RIMS2: variants seen among roughly 807,000 people sequenced by gnomAD.
RIMS2 encodes the protein regulating synaptic membrane exocytosis 2.
Under a neutral mutation model 174.4 loss-of-function variants are expected in RIMS2, and 59 were observed. The ratio of observed to expected loss-of-function variants is 0.34; its 90% CI spans 0.27 to 0.42. The LOEUF (loss-of-function observed/expected upper bound fraction) is 0.42, where lower values mean the gene tolerates loss of function less well. Ranked by LOEUF, RIMS2 falls within the 10% of genes least tolerant of loss-of-function variation. The pLI, the probability that RIMS2 is intolerant of heterozygous loss-of-function variation, is 1.00. For synonymous variants in RIMS2, 606 were observed against 572.5 expected (o/e 1.06, Z -0.84); for missense variants, 1,620 against 1,666.3 (o/e 0.97, Z 0.48).
At chr8:104,014,553 C>T in exon 19 of RIMS2, 1 of 1,613,148 alleles carries the variant, frequency 6.2e-7, no homozygotes, top group Non-Finnish European at 8.5e-7. Context: ...TCAAGTACTC[C>T]AGTCGCAGGA....
rs372759303 is a variant in RIMS2 at position 103,921,820 on chromosome 8, T to C, written c.2196+36T>C. On this transcript the variant is annotated intron_variant, in intron 10 of 23. Coordinates refer to ENST00000504942, the Ensembl canonical transcript of RIMS2. The stretch of plus-strand genomic sequence containing the variant: ...ATTACGTTTACTCTTCTTTTTGGAA[T>C]ATCAAATAGTGTTTTTAAAATATGA... 7.1e-5 allele frequency: 55 copies of C among 776,402 alleles called. No individual in the cohort carries two copies. In the African/African-American group the frequency reaches 8.7e-4, roughly 12 times the overall value. The allele number at this position is 776,402 out of a possible 1,614,324, so 48.1% of individuals were successfully genotyped here. A position where few individuals can be genotyped will look rare whatever the true frequency, so the allele number is the denominator to read the frequency against.
intron 1 of RIMS2, among the ~76,000 whole-genome samples, chr8:103,515,097 T>A (rs879627064): frequency 5.9e-5 from 9 of 152,186 alleles, no homozygotes; most frequent in Non-Finnish European, 1.0e-4. Context: ...ATTATAATGT[T>A]GAAATTTCCT....
chr8:103,873,880 T>G (rs1045372679), intron 3 of RIMS2, among the ~76,000 whole-genome samples: 3 of 151,956 alleles, frequency 2.0e-5, no homozygotes, highest in Non-Finnish European at 4.4e-5. Context: ...ACATACAGAT[T>G]TTGGGGTCTG....
intron 6 of RIMS2, among the ~76,000 whole-genome samples, chr8:103,914,649 G>A (rs1381127172): frequency 6.6e-6 from 1 of 151,842 alleles, no homozygotes; most frequent in African/African-American, 2.4e-5. Context: ...CTGTAATTAT[G>A]GAAAAAATGC....
Position 103,518,290 on chromosome 8 carries a change from C to T in RIMS2, c.176+17228C>T, listed in dbSNP as rs147404887. The stretch of plus-strand genomic sequence containing the variant: ...TCCCATGTGTCCAATCTTTTGGCTT[C>T]CCTGGGCCACAATGGAAGAAGAGGA... On this transcript the variant is annotated intron_variant, in intron 1 of 23. Coordinates refer to ENST00000504942, the Ensembl canonical transcript of RIMS2. Among the ~76,000 whole-genome samples the T allele has an allele frequency of 7.3e-3, 1,113 of 152,108 alleles. 12 individuals carry two copies. The highest frequency in any genetic ancestry group is 0.01 in the Middle Eastern group (3 of 294).
At chr8:103,813,779 T>C (rs760584299) in intron 3 of RIMS2, among the ~76,000 whole-genome samples, 13 of 152,186 alleles carry the variant, frequency 8.5e-5, no homozygotes, top group Non-Finnish European at 1.3e-4. Flanking sequence ...ATATGTGCCA[T>C]ATTTTCTTAA....
intron 19 of RIMS2, among the ~76,000 whole-genome samples, chr8:104,145,801 G>A (rs370718278): frequency 1.6e-4 from 24 of 151,936 alleles, no homozygotes; most frequent in African/African-American, 5.3e-4. Context: ...AGGAGAGATT[G>A]CGGTGAGCTA....
At chr8:103,898,153 G>T (rs1486807472) in intron 4 of RIMS2, among the ~76,000 whole-genome samples, 2 of 151,548 alleles carry the variant, frequency 1.3e-5, no homozygotes, top group Non-Finnish European at 2.9e-5. Context: ...AATCTTTGTA[G>T]GATTTACCTT....
chr8:103,540,927 G>C (rs998735948), intron 1 of RIMS2, among the ~76,000 whole-genome samples: 3 of 151,852 alleles, frequency 2.0e-5, no homozygotes, highest in African/African-American at 7.3e-5. Flanking sequence ...AGAAAGAATT[G>C]GTGAATTCAA....
intron 14 of RIMS2, among the ~76,000 whole-genome samples, chr8:103,948,587 G>A (rs1328073098): frequency 2.6e-5 from 4 of 152,150 alleles, no homozygotes; most frequent in Non-Finnish European, 5.9e-5. Flanking sequence ...AAAAGGCCAT[G>A]TGTTCTATGA....
intron 2 of RIMS2, among the ~76,000 whole-genome samples, chr8:103,729,617 T>A (rs2097567730): frequency 1.3e-5 from 2 of 151,774 alleles, no homozygotes; most frequent in African/African-American, 2.4e-5. Context: ...GGTTTGGTTT[T>A]CTAGTTCTTT....
At chr8:103,694,279 C>G (rs2097069864) in intron 1 of RIMS2, among the ~76,000 whole-genome samples, 1 of 152,138 alleles carries the variant, frequency 6.6e-6, no homozygotes, top group Non-Finnish European at 1.5e-5. Flanking sequence ...GTACGGGCCT[C>G]TGTTTTACTG....
At chr8:104,056,661 T>G (rs1357249163) in intron 19 of RIMS2, among the ~76,000 whole-genome samples, 1 of 152,108 alleles carries the variant, frequency 6.6e-6, no homozygotes, top group Non-Finnish European at 1.5e-5. Context: ...GTGGGAGGAT[T>G]GCTTGAGCCC....
At chr8:104,098,664 T>C in intron 19 of RIMS2, among the ~76,000 whole-genome samples, 1 of 152,094 alleles carries the variant, frequency 6.6e-6, no homozygotes, top group East Asian at 1.9e-4. Flanking sequence ...AGTTCAAATT[T>C]TCATGAATAA....
chr8:104,065,970 A>G (rs1370447941), intron 19 of RIMS2, among the ~76,000 whole-genome samples: 1 of 152,196 alleles, frequency 6.6e-6, no homozygotes, highest in Admixed American at 6.5e-5. Flanking sequence ...TATTGCATAA[A>G]TCTGATTCTA....
chr8:103,903,101 T>A (rs559881483), intron 4 of RIMS2, among the ~76,000 whole-genome samples: 7 of 152,024 alleles, frequency 4.6e-5, no homozygotes, highest in African/African-American at 7.2e-5. Context: ...GATGATGAGA[T>A]CATGAACTTG....
chr8:103,615,594 T>A (rs796541747), intron 1 of RIMS2, among the ~76,000 whole-genome samples: 1 of 151,610 alleles, frequency 6.6e-6, no homozygotes, highest in Non-Finnish European at 1.5e-5. Flanking sequence ...AATTCAGGAG[T>A]TGATTTTTAA....
chr8:104,120,904 T>C (rs1400278273), intron 19 of RIMS2, among the ~76,000 whole-genome samples: 1 of 152,136 alleles, frequency 6.6e-6, no homozygotes, highest in East Asian at 1.9e-4. Context: ...GAAATAAACA[T>C]GGGGATTAGC....
At chr8:103,551,749 A>G (rs1415219841) in intron 1 of RIMS2, among the ~76,000 whole-genome samples, 2 of 152,228 alleles carry the variant, frequency 1.3e-5, no homozygotes, top group African/African-American at 4.8e-5. Flanking sequence ...AACTTCAGCA[A>G]AGTCTCAGGA....
Sources: gnomAD v4.1 joint callset for allele counts (sites outside exome capture counted in the v4.1 genomes callset) on GRCh38, gnomAD v4.1.1 for gene constraint, MANE v1.5 for transcripts, NCBI Gene and HGNC (gene_info 2026-07-23, HGNC 2026-07-21) for gene names.